Variants in SDK1 observed in about 807,000 individuals in gnomAD.
SDK1 encodes protein sidekick-1.
A neutral mutation model predicts 245.5 loss-of-function variants in SDK1; 157 were observed. The observed-to-expected ratio is 0.64, with a 90% CI of 0.56 to 0.73. SDK1 has a LOEUF of 0.73. Among genes scored for constraint, SDK1 ranks in the 30% least tolerant of loss-of-function variants. The probability of loss-of-function intolerance (pLI) is 0.00; values close to 1 mark genes in which losing one functional copy is unlikely to be tolerated. For synonymous variants in SDK1, 1,647 were observed against 1,278.5 expected, an observed-to-expected ratio of 1.29 and a Z score of -6.15; for missense variants, 3,583 against 3,002.3, an observed-to-expected ratio of 1.19 and a Z score of -4.52.
At position 3,301,615 on chromosome 7, in the gene SDK1, C is replaced by CCGGTGGCGG; in HGVS notation, c.33_41dup (p.Gly14_Gly16dup). The CCGGTGGCGG allele has an allele frequency of 1.0e-6, 1 of 974,728 alleles. No homozygotes were observed. Among genetic ancestry groups the CCGGTGGCGG allele is most frequent in the African/African-American group, 1.8e-5 (1 of 55,442 alleles). The allele number at this position is 974,728 out of a possible 1,614,324, so 60.4% of individuals were successfully genotyped here. A position where few individuals can be genotyped will look rare whatever the true frequency, so the allele number is the denominator to read the frequency against. The stretch of plus-strand genomic sequence containing the variant: ...GCCCGGGGCGCCCGGCCCTCGGCGG[C>CCGGTGGCGG]CGGTGGCGGCGGCGGCGGCGCGGAG... On this transcript the variant is annotated inframe_insertion, in exon 1 of 45. Coordinates refer to ENST00000404826, the MANE Select transcript of SDK1 (RefSeq NM_152744.4).
At chr7:3,887,431 T>A (rs1335140653) in intron 5 of SDK1, among the ~76,000 whole-genome samples, 1 of 152,108 alleles carries the variant, frequency 6.6e-6, no homozygotes, top group East Asian at 1.9e-4. Context: ...GAAAGCATGT[T>A]TCCCAGTAGA....
chr7:3,308,117 T>A (rs1484855696), intron 1 of SDK1, among the ~76,000 whole-genome samples: 2 of 152,166 alleles, frequency 1.3e-5, no homozygotes, highest in African/African-American at 2.4e-5. Context: ...AAATTTTAGG[T>A]TCTGTAAAAC....
intron 1 of SDK1, among the ~76,000 whole-genome samples, chr7:3,505,493 C>G (rs1018296031): frequency 2.0e-5 from 3 of 152,178 alleles, no homozygotes; most frequent in African/African-American, 7.2e-5. Context: ...TCAAGCAAAC[C>G]TCCCACCTAG....
At chr7:3,661,687 G>A (rs1037864311) in intron 4 of SDK1, among the ~76,000 whole-genome samples, 1 of 152,128 alleles carries the variant, frequency 6.6e-6, no homozygotes, top group Non-Finnish European at 1.5e-5. Flanking sequence ...AACATCTTCA[G>A]GAATATATAT....
intron 2 of SDK1, among the ~76,000 whole-genome samples, chr7:3,630,976 C>T (rs10260558): frequency 0.34 from 51,557 of 151,758 alleles, 9,286 homozygotes; most frequent in South Asian, 0.46. Context: ...CACTTTGTTG[C>T]CCAGGTTGGA....
intron 4 of SDK1, among the ~76,000 whole-genome samples, chr7:3,774,412 C>T (rs1448731504): frequency 1.3e-5 from 2 of 152,094 alleles, no homozygotes; most frequent in East Asian, 1.9e-4. Flanking sequence ...GTCCTTTTTG[C>T]CTACCAAGGC....
At chr7:3,820,723 A>G (rs573059661) in intron 4 of SDK1, among the ~76,000 whole-genome samples, 9 of 152,314 alleles carry the variant, frequency 5.9e-5, no homozygotes, top group East Asian at 1.9e-4. Context: ...AAGACAAGCA[A>G]CTTAACTTCT....
intron 5 of SDK1, among the ~76,000 whole-genome samples, chr7:3,858,208 G>A (rs114717899): frequency 0.014 from 2,123 of 152,200 alleles, 56 homozygotes; most frequent in African/African-American, 0.049. Context: ...GTGGTGAAAA[G>A]AGAAAATTGC....
chr7:4,082,534 CAAAA>C (rs1300321399), intron 22 of SDK1, among the ~76,000 whole-genome samples: 1 of 108,752 alleles, frequency 9.2e-6, no homozygotes, highest in Non-Finnish European at 1.9e-5. Context: ...GATTCTGTCT[CAAAA>C]AAAAAAAAAA....
intron 1 of SDK1, among the ~76,000 whole-genome samples, chr7:3,381,067 C>G (rs867923104): frequency 6.6e-6 from 1 of 152,108 alleles, no homozygotes; most frequent in East Asian, 1.9e-4. Flanking sequence ...GAGTTATGTG[C>G]TTAGAGGTGG....
At chr7:3,815,921 A>G (rs1370509271) in intron 4 of SDK1, among the ~76,000 whole-genome samples, 1 of 145,286 alleles carries the variant, frequency 6.9e-6, no homozygotes, top group Non-Finnish European at 1.5e-5. Flanking sequence ...CAATCAAACT[A>G]GAACTCAAGA....
chr7:3,861,267 A>G (rs1780685864), intron 5 of SDK1, among the ~76,000 whole-genome samples: 1 of 152,206 alleles, frequency 6.6e-6, no homozygotes, highest in African/African-American at 2.4e-5. Context: ...GCCGTGCAAA[A>G]AGATCAGGAA....
chr7:3,749,179 T>C (rs1381087703), intron 4 of SDK1, among the ~76,000 whole-genome samples: 2 of 151,916 alleles, frequency 1.3e-5, no homozygotes, highest in Admixed American at 6.6e-5. Context: ...CTCTGTCACC[T>C]AGGCTGGAGT....
At chr7:3,650,266 A>T (rs1174233454) in intron 4 of SDK1, among the ~76,000 whole-genome samples, 3 of 152,170 alleles carry the variant, frequency 2.0e-5, no homozygotes, top group African/African-American at 7.2e-5. Flanking sequence ...CACTAAGTCC[A>T]TTCACAGTGT....
chr7:3,395,928 CTG>C (rs1781885146), intron 1 of SDK1, among the ~76,000 whole-genome samples: 1 of 151,674 alleles, frequency 6.6e-6, no homozygotes, highest in South Asian at 2.1e-4. Flanking sequence ...AATTTTTCCT[CTG>C]TTGTTTTTCT....
intron 1 of SDK1, among the ~76,000 whole-genome samples, chr7:3,425,622 A>C (rs7457146): frequency 0.41 from 62,067 of 152,114 alleles, 14,156 homozygotes; most frequent in Admixed American, 0.5. Flanking sequence ...GAACAATACA[A>C]CTGTATTCAA....
rs73298397 is a variant in SDK1, at chr7:3,412,669, G to T, written c.298+110785G>T. Among the ~76,000 whole-genome samples the T allele has an allele frequency of 9.0e-3, 1,368 of 152,286 alleles. 28 individuals are homozygous for T. The highest frequency in any genetic ancestry group is 0.031 in the African/African-American group (1,290 of 41,536). ...TGGATTAAAAGGCAGGGGCAGTTAC[G>T]ATTTTGAAAGATGTAGCCAGGTGGC... is the stretch of plus-strand genomic sequence containing the variant. On this transcript the variant is annotated intron_variant, in intron 1 of 44. Transcript: ENST00000404826.
intron 20 of SDK1, among the ~76,000 whole-genome samples, chr7:4,069,885 G>A (rs71527468): frequency 1.3e-5 from 2 of 152,044 alleles, no homozygotes; most frequent in Non-Finnish European, 2.9e-5. Context: ...GGGTGGTGAC[G>A]TCCCACCATC....
intron 7 of SDK1, among the ~76,000 whole-genome samples, chr7:3,952,764 A>T (rs1180818000): frequency 6.6e-6 from 1 of 152,124 alleles, no homozygotes; most frequent in Non-Finnish European, 1.5e-5. Context: ...AGGAGAAAGA[A>T]CATAAAATTA....
Sources: allele counts gnomAD v4.1 joint callset (sites outside exome capture counted in the v4.1 genomes callset), GRCh38; gene constraint gnomAD v4.1.1; transcripts MANE v1.5; gene names NCBI Gene and HGNC (gene_info 2026-07-23, HGNC 2026-07-21).